Variants in PTOV1 observed in about 807,000 individuals in gnomAD.
PTOV1 encodes prostate tumor-overexpressed gene 1 protein.
PTOV1 carries 20 observed loss-of-function variants against 58.0 expected under a neutral mutation model. The observed-to-expected ratio is 0.34, with a 90% confidence interval of 0.24 to 0.50. PTOV1 has a LOEUF of 0.50. Ranked by LOEUF, PTOV1 falls within the 20% of genes least tolerant of loss-of-function variation. The pLI is 0.98. For synonymous variants in PTOV1, 335 were observed against 234.2 expected, an observed-to-expected ratio of 1.43 and a Z score of -3.93; for missense variants, 593 against 565.4, an observed-to-expected ratio of 1.05 and a Z score of -0.50.
At chr19:49,858,986 T>G in intron 10 of PTOV1, 1 of 228,216 alleles carries the variant, frequency 4.4e-6, no homozygotes, top group Non-Finnish European at 8.6e-6. Context: ...GGCCCATTGC[T>G]GGGCAGGGAG....
upstream of PTOV1, chr19:49,850,940 T>G: frequency 6.5e-7 from 1 of 1,535,822 alleles, no homozygotes; most frequent in Middle Eastern, 1.7e-4. Context: ...CCTTCGTTCT[T>G]CTGCCACCCC....
chr19:49,854,644 C>A lies in PTOV1; in HGVS notation c.310-8C>A. 1 of 1,613,416 alleles carries A rather than the reference C, an allele frequency of 6.2e-7. No homozygotes were observed. On this transcript the variant is annotated splice_polypyrimidine_tract_variant and splice_region_variant and intron_variant, in intron 2 of 11. Coordinates refer to ENST00000391842, the Ensembl canonical transcript of PTOV1. ...CTGTGCACAGTGACGCCCCTCCTGCCCCCACAGAAGCGCAGACCCTACTCT... is the reference window on the plus strand; with the variant it reads ...CTGTGCACAGTGACGCCCCTCCTGCACCCACAGAAGCGCAGACCCTACTCT...
exon 12 of PTOV1, chr19:49,860,578 T>C: frequency 1.8e-6 from 1 of 542,754 alleles, no homozygotes; most frequent in Admixed American, 3.4e-5. Context: ...CTTGGGAGCC[T>C]GTGGCCAGCA....
chr19:49,860,069 C>T, exon 11 of PTOV1: 4 of 1,614,228 alleles, frequency 2.5e-6, no homozygotes, highest in Non-Finnish European at 3.4e-6. Context: ...AGAAAATCTT[C>T]ATTGGCCTCA....
At chr19:49,852,190 C>G (rs1170091495) in intron 1 of PTOV1, 5 of 613,694 alleles carry the variant, frequency 8.1e-6, no homozygotes, top group South Asian at 7.1e-5. Flanking sequence ...ACGCTTGCCC[C>G]GATGTGAGAT....
chr19:49,853,936 G>A (rs552450606), intron 1 of PTOV1, among the ~76,000 whole-genome samples: 2 of 152,372 alleles, frequency 1.3e-5, no homozygotes, highest in South Asian at 2.1e-4. Flanking sequence ...GGGAGCTTTA[G>A]GAGAGTTTCA....
rs765282722 is a variant in PTOV1 at position 49,854,521 on chromosome 19, G to T, written c.287G>T (p.Ser96Ile). Residue 96 changes from serine to isoleucine, a missense_variant, in exon 2 of 12, where the codon AGC (serine) becomes ATC (isoleucine). Transcript: ENST00000391842. Reference sequence around the variant, plus strand: ...CTCAGCAACAAGCTGCTGGCTTGGAGCGGCGTCCTCGAGTGGCAGGAGGTG... The same window carrying T: ...CTCAGCAACAAGCTGCTGGCTTGGATCGGCGTCCTCGAGTGGCAGGAGGTG... The T allele has an allele frequency of 2.0e-5, 32 of 1,613,116 alleles. No individual in the cohort carries two copies. In the East Asian group the frequency reaches 6.9e-4, roughly 35 times the overall value.
chr19:49,854,498 C>T (rs1052440687), exon 2 of PTOV1: 6 of 1,613,016 alleles, frequency 3.7e-6, no homozygotes, highest in Non-Finnish European at 4.2e-6. Flanking sequence ...AGCACCGGCT[C>T]AGCAACAAGC....
At chr19:49,856,667 CCCCATCAGGCAGT>C (rs944464028) in intron 5 of PTOV1, 11 of 385,460 alleles carry the variant, frequency 2.9e-5, no homozygotes, top group African/African-American at 2.3e-4. Context: ...GGCCAAGTCA[CCCCATCAGGCAGT>C]CAGGAGGGCT....
chr19:49,855,743 G>A (rs1398443925), intron 5 of PTOV1: 5 of 155,086 alleles, frequency 3.2e-5, no homozygotes, highest in Admixed American at 3.2e-4. Context: ...AGGTAGGGAG[G>A]ACAGGGGAGC....
chr19:49,852,125 C>T, intron 1 of PTOV1: 1 of 967,378 alleles, frequency 1.0e-6, no homozygotes, highest in Non-Finnish European at 1.2e-6. Flanking sequence ...TTTTCAGAAA[C>T]CGTAAGGTTT....
At chr19:49,858,831 TG>T in intron 10 of PTOV1, 178 bp downstream of exon 10, 7 of 586,302 alleles carry the variant, frequency 1.2e-5, no homozygotes, top group Non-Finnish European at 2.1e-5. Flanking sequence ...CGGCACTGGA[TG>T]GGGCACTGAC....
chr19:49,851,510 C>A lies in PTOV1; in HGVS notation c.171+11C>A. The A allele has an allele frequency of 8.3e-7, 1 of 1,207,370 alleles. No homozygotes were observed. The highest frequency in any genetic ancestry group is 4.2e-5 in the South Asian group (1 of 24,008). 74.8% of individuals were successfully genotyped at this position (1,207,370 alleles called of 1,614,324 possible). ...TCGGCCCCTCCCATGGTGAGCCCCC[C>A]GCCCTTTTTCCAGAGCCTTCCACGG... is the stretch of plus-strand genomic sequence containing the variant. On this transcript the variant is annotated intron_variant, in intron 1 of 11. Coordinates refer to ENST00000391842, the Ensembl canonical transcript of PTOV1.
In PTOV1 at chr19:49,851,283, C is replaced by T. The variant is rs2074233250; in HGVS notation, c.-46C>T. On this transcript the variant is annotated 5_prime_UTR_variant, in exon 1 of 12. Coordinates refer to ENST00000391842, the Ensembl canonical transcript of PTOV1. ...CTCAGTCGGTGGAGCCCGCAGCCCC[C>T]CTTGTGGCCCGCGGCAGCTCCCCGC... is the stretch of plus-strand genomic sequence containing the variant. 5 of 1,075,854 alleles carry T rather than the reference C, an allele frequency of 4.6e-6. No homozygotes were observed. In the South Asian group the frequency reaches 2.2e-4, roughly 47 times the overall value. The allele number at this position is 1,075,854 out of a possible 1,614,324, so 66.6% of individuals were successfully genotyped here. A position where few individuals can be genotyped will look rare whatever the true frequency, so the allele number is the denominator to read the frequency against.
chr19:49,850,741 C>G, upstream of PTOV1: 1 of 1,023,078 alleles, frequency 9.8e-7, no homozygotes, highest in Middle Eastern at 2.1e-4. Context: ...CTTCAGCTGT[C>G]TCAGGCTCGG....
chr19:49,852,338 A>G (rs530006269), intron 1 of PTOV1: 1 of 152,320 alleles, frequency 6.6e-6, no homozygotes, highest in Non-Finnish European at 1.5e-5. Flanking sequence ...GACTTAGATC[A>G]CCTCCCACAA....
intron 10 of PTOV1, 75 bp from the exon 11 acceptor site, chr19:49,859,911 C>T (rs779876836): frequency 5.6e-5 from 85 of 1,515,956 alleles, no homozygotes; most frequent in African/African-American, 2.9e-4. Flanking sequence ...ATGGAGCCCA[C>T]GGCATGATGC....
At chr19:49,856,555 T>C in intron 5 of PTOV1, 1 of 208,474 alleles carries the variant, frequency 4.8e-6, no homozygotes, top group Non-Finnish European at 9.8e-6. Flanking sequence ...ATTACCCGGT[T>C]TTACAGATGA....
intron 5 of PTOV1, chr19:49,856,025 G>C (rs74546599): frequency 6.6e-6 from 1 of 152,160 alleles, no homozygotes; most frequent in East Asian, 1.9e-4. Context: ...TGTTGGGACA[G>C]TCTGCCTCTA....
Sources: allele counts gnomAD v4.1 joint callset (sites outside exome capture counted in the v4.1 genomes callset), GRCh38; gene constraint gnomAD v4.1.1; transcripts MANE v1.5; gene names NCBI Gene and HGNC (gene_info 2026-07-23, HGNC 2026-07-21).